COL19A1: variants seen among roughly 807,000 people sequenced by gnomAD.
The protein encoded by COL19A1 is collagen alpha-1(XIX) chain.
A neutral mutation model predicts 190.2 loss-of-function variants in COL19A1; 159 were observed. The observed-to-expected ratio is 0.84, with a 90% CI of 0.73 to 0.95. COL19A1 has a LOEUF of 0.95. COL19A1 is among the 40% of genes least tolerant of loss of function. The pLI, the probability that COL19A1 is intolerant of heterozygous loss-of-function variation, is 0.00. For synonymous variants in COL19A1, 509 were observed against 458.9 expected (o/e 1.11, Z -1.39); for missense variants, 1,418 against 1,431.9 (o/e 0.99, Z 0.16).
In COL19A1 at chr6:69,989,711, C is replaced by A. The variant is rs1776513703; in HGVS notation, c.1026+26841C>A. On this transcript the variant is annotated intron_variant, in intron 11 of 50. Coordinates refer to ENST00000620364, the MANE Select transcript of COL19A1 (RefSeq NM_001858.6). ...AACATGGAAACTTGCTCAATAGCCA[C>A]AGAATTAGACTAAAATTTAAGAGCC... 2.0e-5 allele frequency among the ~76,000 whole-genome samples: 3 copies of A among 152,016 alleles called. No homozygotes were observed. The South Asian group carries it at 6.2e-4, about 31-fold the overall frequency.
At chr6:70,139,913 C>T (rs1047024315) in intron 19 of COL19A1, among the ~76,000 whole-genome samples, 65 of 148,628 alleles carry the variant, frequency 4.4e-4, no homozygotes, top group African/African-American at 1.5e-3. Flanking sequence ...ACTAGGCTCC[C>T]GGGTTTTTCT....
At chr6:70,124,356 TGCTACTTA>T (rs1228240478) in intron 17 of COL19A1, among the ~76,000 whole-genome samples, 2 of 152,202 alleles carry the variant, frequency 1.3e-5, no homozygotes, top group Non-Finnish European at 2.9e-5. Flanking sequence ...TATACCTAGT[TGCTACTTA>T]GCTACTTAAA....
intron 10 of COL19A1, among the ~76,000 whole-genome samples, chr6:69,960,926 C>T (rs1050058671): frequency 1.3e-5 from 2 of 152,112 alleles, no homozygotes; most frequent in Non-Finnish European, 2.9e-5. Flanking sequence ...CCACCACACC[C>T]GGCCAGGGCT....
rs142567508 is a variant in COL19A1 at position 70,106,854 on chromosome 6, C to T, written c.1278+4632C>T. On this transcript the variant is annotated intron_variant, in intron 16 of 50. Coordinates refer to ENST00000620364, the MANE Select transcript of COL19A1 (RefSeq NM_001858.6). ...GATTTATTTCAATACATAAAGATTA[C>T]GACTGAGAACAGTTTTTCAGTATGA... Among the ~76,000 whole-genome samples, 115 of 152,278 alleles carry T rather than the reference C, an allele frequency of 7.6e-4. No individual in the cohort carries two copies. In the South Asian group the frequency reaches 0.016, roughly 22 times the overall value.
At chr6:70,116,045 A>G (rs538488579) in intron 16 of COL19A1, among the ~76,000 whole-genome samples, 3 of 152,110 alleles carry the variant, frequency 2.0e-5, no homozygotes, top group South Asian at 2.1e-4. Flanking sequence ...TGAGTCCCCC[A>G]ATATTTTCTA....
At chr6:69,885,392 A>G (rs1449134717) in intron 2 of COL19A1, among the ~76,000 whole-genome samples, 3 of 152,244 alleles carry the variant, frequency 2.0e-5, no homozygotes, top group Non-Finnish European at 4.4e-5. Flanking sequence ...TTTGAGGTCT[A>G]TAGCATATTA....
intron 15 of COL19A1, among the ~76,000 whole-genome samples, chr6:70,100,644 C>T (rs1303968169): frequency 6.6e-6 from 1 of 150,916 alleles, no homozygotes; most frequent in South Asian, 2.1e-4. Flanking sequence ...AGGCACATAC[C>T]ACCATGCCTG....
At chr6:70,022,968 TA>T (rs1332109988) in intron 11 of COL19A1, among the ~76,000 whole-genome samples, 1 of 152,112 alleles carries the variant, frequency 6.6e-6, no homozygotes. Context: ...ATTATTTCAT[TA>T]GTATACATTT....
Position 70,151,396 on chromosome 6 carries a change from G to A in COL19A1, c.2038-1G>A. On this transcript the variant is annotated splice_acceptor_variant, in intron 30 of 50. Transcript: ENST00000620364. LOFTEE classifies it high-confidence loss of function. ...ATTTGGTTTTATCTTCTTAACCACA[G>A]ATTGCACTTCCTCTCTTGGGAGACA... 3 of 1,612,614 alleles carry A rather than the reference G, an allele frequency of 1.9e-6. No homozygotes were observed. The highest frequency in any genetic ancestry group is 1.7e-6 in the Non-Finnish European group (2 of 1,178,986).
chr6:70,140,681 T>C (rs574884432), intron 19 of COL19A1, among the ~76,000 whole-genome samples: 1 of 152,252 alleles, frequency 6.6e-6, no homozygotes, highest in South Asian at 2.1e-4. Flanking sequence ...GCTTTGGCCT[T>C]GGGCAGCATT....
At chr6:69,955,701 A>G (rs1774380699) in intron 9 of COL19A1, among the ~76,000 whole-genome samples, 1 of 151,980 alleles carries the variant, frequency 6.6e-6, no homozygotes, top group South Asian at 2.1e-4. Context: ...CCCAGAGAAC[A>G]GGGACCATAG....
intron 9 of COL19A1, among the ~76,000 whole-genome samples, chr6:69,951,015 G>T (rs1044055207): frequency 1.3e-5 from 2 of 151,720 alleles, no homozygotes; most frequent in African/African-American, 4.8e-5. Flanking sequence ...CCTAATTTAT[G>T]CTAAAACCCA....
In COL19A1 at chr6:69,904,120, C is replaced by T. The variant is rs559906751; in HGVS notation, c.266+3782C>T. 3.0e-4 allele frequency among the ~76,000 whole-genome samples: 46 copies of T among 152,242 alleles called. No individual in the cohort carries two copies. The South Asian group carries it at 4.8e-3, about 16-fold the overall frequency. On this transcript the variant is annotated intron_variant, in intron 4 of 50. Coordinates refer to ENST00000620364, the MANE Select transcript of COL19A1 (RefSeq NM_001858.6). Reference sequence around the variant, plus strand: ...CAGCAGCTAGAGAGCCAAAATCACTCGGGGGCACTGAGCCCAGCACAAGAT... The same window carrying T: ...CAGCAGCTAGAGAGCCAAAATCACTTGGGGGCACTGAGCCCAGCACAAGAT...
chr6:70,115,501 C>T (rs1562187937), intron 16 of COL19A1, among the ~76,000 whole-genome samples: 1 of 152,116 alleles, frequency 6.6e-6, no homozygotes, highest in Non-Finnish European at 1.5e-5. Flanking sequence ...CTCCCAGGAA[C>T]ATTTGCATTT....
chr6:69,957,157 T>C (rs973603349), intron 9 of COL19A1, among the ~76,000 whole-genome samples: 2 of 152,112 alleles, frequency 1.3e-5, no homozygotes, highest in Non-Finnish European at 2.9e-5. Flanking sequence ...CAATAAGAAA[T>C]ACATTACTTC....
At chr6:69,934,000 T>C (rs1368279308) in intron 7 of COL19A1, among the ~76,000 whole-genome samples, 2 of 152,032 alleles carry the variant, frequency 1.3e-5, no homozygotes, top group Non-Finnish European at 1.5e-5. Flanking sequence ...TGTTCTATAC[T>C]TGCCATAGAA....
chr6:69,983,807 A>C (rs1671986057), intron 11 of COL19A1, among the ~76,000 whole-genome samples: 1 of 152,082 alleles, frequency 6.6e-6, no homozygotes, highest in Admixed American at 6.5e-5. Context: ...AATAAAATTC[A>C]TTTGTTAAGA....
At chr6:70,127,692 C>T (rs118056393) in intron 17 of COL19A1, among the ~76,000 whole-genome samples, 3 of 152,130 alleles carry the variant, frequency 2.0e-5, no homozygotes, top group South Asian at 2.1e-4. Flanking sequence ...AACATGGTGG[C>T]AGACATCAGA....
rs1345851655 is a variant in COL19A1 at position 69,936,933 on chromosome 6, A to G, written c.873+23A>G. 2.5e-6 allele frequency: 4 copies of G among 1,610,798 alleles called. No homozygotes were observed. In the African/African-American group the frequency reaches 4.0e-5, roughly 16 times the overall value. On this transcript the variant is annotated intron_variant, in intron 8 of 50. Coordinates refer to ENST00000620364, the MANE Select transcript of COL19A1 (RefSeq NM_001858.6). ...AAGGTATGCTAGTTTTAATTGGTGC[A>G]CACTGAAAGCCACTCCAGACTATGA...
Sources: gnomAD v4.1 joint callset for allele counts (sites outside exome capture counted in the v4.1 genomes callset) on GRCh38, gnomAD v4.1.1 for gene constraint, MANE v1.5 for transcripts, NCBI Gene and HGNC (gene_info 2026-07-23, HGNC 2026-07-21) for gene names.